The following PP2D1 variants were observed in gnomAD, a reference collection of about 807,000 sequenced individuals.
PP2D1 encodes protein phosphatase 2C-like domain-containing protein 1.
A neutral mutation model predicts 30.2 loss-of-function variants in PP2D1; 25 were observed. That is an observed-to-expected ratio of 0.83 (90% CI 0.60 to 1.16). The LOEUF is 1.16. PP2D1 is among the 50% of genes most tolerant of loss of function. PP2D1 has a pLI of 0.00. For missense variants in PP2D1, 760 were observed against 742.4 expected, an observed-to-expected ratio of 1.02 and a Z score of -0.28; for synonymous variants, 260 against 258.9, an observed-to-expected ratio of 1.00 and a Z score of -0.04.
intron 1 of PP2D1, among the ~76,000 whole-genome samples, chr3:20,002,575 T>C (rs1391379108): frequency 6.6e-6 from 1 of 152,200 alleles, no homozygotes. Context: ...ACTTATGTTT[T>C]TGTGATGCTG....
chr3:19,985,559 T>C lies in PP2D1; in HGVS notation c.1714A>G (p.Thr572Ala), dbSNP rs1286370301. ...TTTGTTGCCACATCATTTACACTAG[T>C]TGGTCTGTCAGTTACTTTTTCACTG... ...PCSEKVTDRPTSVNDVATNEK... is the reference protein window; with the variant it reads ...PCSEKVTDRPASVNDVATNEK... Residue 572 changes from threonine to alanine, a missense_variant, in exon 3 of 3, where the codon ACT becomes GCT. Around this residue, in one of 3 missense-constraint regions of PP2D1, gnomAD observed 369 missense variants for 316.2 expected, o/e 1.17. Transcript: ENST00000389050. The C allele has an allele frequency of 6.5e-7, 1 of 1,536,110 alleles. No homozygotes were observed.
intron 2 of PP2D1, among the ~76,000 whole-genome samples, chr3:19,986,816 C>T (rs1697043948): frequency 6.6e-6 from 1 of 152,102 alleles, no homozygotes; most frequent in Non-Finnish European, 1.5e-5. Flanking sequence ...GGGCGGATCA[C>T]CTGAGGTCAG....
chr3:20,005,142 C>T (rs13316523), intron 1 of PP2D1, among the ~76,000 whole-genome samples: 23,942 of 125,706 alleles, frequency 0.19, 2,076 homozygotes, highest in Non-Finnish European at 0.25. Flanking sequence ...TTTATATATA[C>T]ATTTTTTTTT....
At position 19,985,786 on chromosome 3, in the gene PP2D1, A is replaced by G; in HGVS notation, c.1487T>C (p.Leu496Pro). ...AAGGTTTGGTTCACTGGTTGAAAAA[A>G]GCAGAGGCCCTTTGGATGGTGATTT... ...PNKSPSKGPL[L>P]FSTSEPNLTK... Residue 496 changes from leucine to proline, a missense_variant, in exon 3 of 3, where the codon CTT becomes CCT. Leu to Pro is a moderately conservative substitution (Grantham distance 98, BLOSUM62 -3). Around this residue, in one of 3 missense-constraint regions of PP2D1, gnomAD observed 369 missense variants for 316.2 expected, o/e 1.17. Transcript: ENST00000389050. 1 of 1,536,104 alleles carries G rather than the reference A, an allele frequency of 6.5e-7. No homozygotes were observed. Among genetic ancestry groups the G allele is most frequent in the Non-Finnish European group, 8.7e-7 (1 of 1,146,884 alleles).
At chr3:19,997,862 T>C (rs1029366636) in intron 2 of PP2D1, among the ~76,000 whole-genome samples, 3 of 151,830 alleles carry the variant, frequency 2.0e-5, no homozygotes, top group Admixed American at 1.3e-4. Context: ...TTGGGAAAGG[T>C]TGGGGACGGG....
At chr3:19,984,918 A>G (rs994629439), downstream of PP2D1, 3 of 154,612 alleles carry the variant, frequency 1.9e-5, no homozygotes, top group Middle Eastern at 3.4e-3. Context: ...AAAGTATTGC[A>G]ATATGTTAGT....
At chr3:20,003,508 C>T (rs1697281563) in intron 1 of PP2D1, among the ~76,000 whole-genome samples, 3 of 151,736 alleles carry the variant, frequency 2.0e-5, no homozygotes, top group Middle Eastern at 3.2e-3. Flanking sequence ...TTTGGGAGGC[C>T]GAGGCGGGTG....
intron 1 of PP2D1, among the ~76,000 whole-genome samples, chr3:20,005,951 A>G (rs1026207876): frequency 6.6e-6 from 1 of 151,958 alleles, no homozygotes; most frequent in African/African-American, 2.4e-5. Flanking sequence ...AAATTTGAAT[A>G]TAAGATCTTT....
chr3:20,011,884 T>G (rs1434208047), intron 1 of PP2D1, among the ~76,000 whole-genome samples, 166 bp downstream of exon 1: 1 of 152,084 alleles, frequency 6.6e-6, no homozygotes, highest in African/African-American at 2.4e-5. Flanking sequence ...AGGAATGGAA[T>G]TCCTCTTTTG....
downstream of PP2D1, among the ~76,000 whole-genome samples, chr3:19,983,243 CGAGAATCACTTGAACCCAG>C (rs1269102993): frequency 6.8e-6 from 1 of 147,664 alleles, no homozygotes; most frequent in Non-Finnish European, 1.5e-5. Context: ...GGCCAAGGCA[CGAGAATCACTTGAACCCAG>C]GAGGTGGAGG....
chr3:19,988,004 T>C (rs1435132027), intron 2 of PP2D1, among the ~76,000 whole-genome samples: 1 of 152,228 alleles, frequency 6.6e-6, no homozygotes, highest in African/African-American at 2.4e-5. Flanking sequence ...TTTAATCTCT[T>C]AATCCTGTCA....
intron 2 of PP2D1, among the ~76,000 whole-genome samples, chr3:19,995,629 G>A (rs1446738151): frequency 1.3e-5 from 2 of 152,144 alleles, no homozygotes; most frequent in African/African-American, 2.4e-5. Context: ...TAACACCCAC[G>A]ATAAGTGAAA....
intron 1 of PP2D1, among the ~76,000 whole-genome samples, chr3:20,002,598 C>A (rs1259561322): frequency 6.6e-6 from 1 of 152,138 alleles, no homozygotes; most frequent in Non-Finnish European, 1.5e-5. Context: ...GTCAACAAAC[C>A]TACTGTGCTG....
At chr3:19,996,735 G>A (rs1370594442) in intron 2 of PP2D1, 1 of 150,860 alleles carries the variant, frequency 6.6e-6, no homozygotes, top group Non-Finnish European at 1.5e-5. Flanking sequence ...TTTAAAAAAA[G>A]CACCATGATC....
chr3:20,001,505 A>G lies in PP2D1; in HGVS notation c.615T>C (p.Gly205=), dbSNP rs1311621343. ...AGGCACCGTGATGTCCATCAAACAA[A>G]CCAAAAAAACACACATTAGGTTTGT... ...FGNKPNVCFF[G]LFDGHHGASA... Residue 205 remains glycine (G), a synonymous_variant, in exon 2 of 3, where the codon GGT becomes GGC. Coordinates refer to ENST00000389050, the MANE Select transcript of PP2D1 (RefSeq NM_001252657.2). The G allele has an allele frequency of 6.5e-7, 1 of 1,535,930 alleles. No homozygotes were observed. Among genetic ancestry groups the G allele is most frequent in the African/African-American group, 1.4e-5 (1 of 73,118 alleles).
intron 2 of PP2D1, among the ~76,000 whole-genome samples, chr3:19,995,199 G>A (rs958920339): frequency 6.6e-6 from 1 of 152,074 alleles, no homozygotes; most frequent in African/African-American, 2.4e-5. Context: ...CCCACAACCT[G>A]TCAATGTGTT....
rs758775528 is a variant in PP2D1 at position 19,986,014 on chromosome 3, A to G, written c.1259T>C (p.Leu420Pro). ...VEGQVKTTRG[L>P]GFHGNLKLKK... ...CAGCTTGAGATTTCCATGAAATCCA[A>G]GTCCTCGTGTAGTTTTTACTTGCCC... The change falls in exon 3 of 3, where the codon CTT (leucine) becomes CCT (proline). Residue 420 changes from leucine (L) to proline (P), a missense_variant. Coordinates refer to ENST00000389050, the MANE Select transcript of PP2D1 (RefSeq NM_001252657.2). 52 of 1,535,980 alleles carry G rather than the reference A, an allele frequency of 3.4e-5. No individual in the cohort carries two copies. Among genetic ancestry groups the G allele is most frequent in the Non-Finnish European group, 4.4e-5 (51 of 1,146,886 alleles).
chr3:19,983,750 A>T, downstream of PP2D1: 2 of 1,612,622 alleles, frequency 1.2e-6, no homozygotes, highest in Non-Finnish European at 1.7e-6. Flanking sequence ...CCAGGAGCAA[A>T]TTCTGCCAGA....
intron 2 of PP2D1, among the ~76,000 whole-genome samples, chr3:19,989,920 C>G (rs188386257): frequency 6.6e-6 from 1 of 152,058 alleles, no homozygotes; most frequent in Admixed American, 6.5e-5. Context: ...TATGTACTTA[C>G]AATGGAAGGA....
Sources: gnomAD v4.1 joint callset for allele counts (sites outside exome capture counted in the v4.1 genomes callset) on GRCh38, gnomAD v4.1.1 for gene constraint, gnomAD v4.1.1 regional missense constraint, MANE v1.5 for transcripts, NCBI Gene and HGNC (gene_info 2026-07-23, HGNC 2026-07-21) for gene names.